Variants in FGFR2 observed in about 807,000 individuals in gnomAD.
FGFR2 encodes fibroblast growth factor receptor 2.
In FGFR2, 19 loss-of-function variants were observed where a neutral mutation model predicts 95.9. That is an observed-to-expected ratio of 0.20 (90% confidence interval 0.14 to 0.29). The LOEUF (loss-of-function observed/expected upper bound fraction) is 0.29, where lower values mean the gene tolerates loss of function less well. Among genes scored for constraint, FGFR2 ranks in the 10% least tolerant of loss-of-function variants. FGFR2 has a pLI of 1.00. For synonymous variants in FGFR2, 392 were observed against 393.3 expected (o/e 1.00, Z 0.04); for missense variants, 707 against 1,056.9 (o/e 0.67, Z 4.59).
chr10:121,500,151 A>C (rs1378649629), intron 11 of FGFR2, among the ~76,000 whole-genome samples: 1 of 152,210 alleles, frequency 6.6e-6, no homozygotes, highest in Non-Finnish European at 1.5e-5. Flanking sequence ...CAGGACGAAT[A>C]AGTTAATGGT....
At chr10:121,536,628 AG>A (rs747859233) in intron 6 of FGFR2, among the ~76,000 whole-genome samples, 11 of 152,230 alleles carry the variant, frequency 7.2e-5, no homozygotes, top group African/African-American at 2.7e-4. Flanking sequence ...GAGAGATTTC[AG>A]GGCTTCACAG....
rs558181710 is a variant in FGFR2, at chr10:121,514,972, A to G, written c.1287+145T>C. On this transcript the variant is annotated intron_variant, in intron 9 of 17. Coordinates refer to ENST00000358487, the MANE Select transcript of FGFR2 (RefSeq NM_000141.5). ...TAGACTCTCCAAGCTCCAAACACTA[A>G]CTGGGTGACCGCCAAGCATCACACC... is the stretch of plus-strand genomic sequence containing the variant. The G allele has an allele frequency of 1.0e-4, 80 of 770,246 alleles. No individual in the cohort carries two copies. The South Asian group carries it at 1.3e-3, about 12-fold the overall frequency. 47.7% of individuals were successfully genotyped at this position (770,246 alleles called of 1,614,324 possible).
intron 6 of FGFR2, among the ~76,000 whole-genome samples, chr10:121,536,440 C>A (rs1852829087): frequency 6.6e-6 from 1 of 152,116 alleles, no homozygotes; most frequent in Admixed American, 6.6e-5. Flanking sequence ...GGCGATCTCC[C>A]AAATTTGTGA....
intron 5 of FGFR2, among the ~76,000 whole-genome samples, chr10:121,545,991 T>A (rs1158885436): frequency 6.6e-6 from 1 of 152,106 alleles, no homozygotes; most frequent in Non-Finnish European, 1.5e-5. Flanking sequence ...TCTCTCTTGG[T>A]CTATGCAGGC....
Position 121,479,813 on chromosome 10 carries a change from G to C in FGFR2, c.*44C>G. On this transcript the variant is annotated 3_prime_UTR_variant, in exon 18 of 18. Transcript: ENST00000358487. ...ATGGTCTCCCTGCTCAGTGTAGCTA[G>C]GTTCCCAGTGCTGTCCTGTTTGGGG... 6.2e-7 allele frequency: 1 copy of C among 1,613,962 alleles called. No individual in the cohort carries two copies. Among genetic ancestry groups the C allele is most frequent in the Non-Finnish European group, 8.5e-7 (1 of 1,179,904 alleles).
At chr10:121,483,128 T>G (rs1844976990) in intron 17 of FGFR2, among the ~76,000 whole-genome samples, 1 of 152,182 alleles carries the variant, frequency 6.6e-6, no homozygotes, top group African/African-American at 2.4e-5. Flanking sequence ...AGGTACATGT[T>G]TTTATGTAAA....
intron 4 of FGFR2, among the ~76,000 whole-genome samples, chr10:121,559,351 T>C (rs377673754): frequency 1.3e-5 from 2 of 152,198 alleles, no homozygotes; most frequent in Non-Finnish European, 1.5e-5. Flanking sequence ...GGGTCAGGCA[T>C]TTGACACTTG....
intron 5 of FGFR2, among the ~76,000 whole-genome samples, chr10:121,550,759 C>A (rs936917765): frequency 7.9e-5 from 12 of 152,276 alleles, no homozygotes; most frequent in Admixed American, 4.6e-4. Context: ...AAACTCTCCT[C>A]ATATGAAGAA....
At chr10:121,497,387 T>C (rs1171150652) in intron 12 of FGFR2, among the ~76,000 whole-genome samples, 1 of 152,210 alleles carries the variant, frequency 6.6e-6, no homozygotes, top group African/African-American at 2.4e-5. Flanking sequence ...TAATATATTA[T>C]TTTTAATCAC....
rs1023873105 is a variant in FGFR2, at chr10:121,517,282, A to G, written c.1084+37T>C. Reference sequence around the variant, plus strand: ...TAATTTTATAGCAGTCAACCAAGAAAAGGGAAAAAAACCCAGAGAGAAAGA... The same window carrying G: ...TAATTTTATAGCAGTCAACCAAGAAGAGGGAAAAAAACCCAGAGAGAAAGA... On this transcript the variant is annotated intron_variant, in intron 8 of 17. Transcript: ENST00000358487. This position sits in a 1 kb window ranked among gnomAD's most constrained non-coding sequence, Gnocchi z 4.7. 6 of 1,612,592 alleles carry G rather than the reference A, an allele frequency of 3.7e-6. No homozygotes were observed. In the Admixed American group the frequency reaches 5.0e-5, roughly 13 times the overall value.
At position 121,496,643 on chromosome 10, in the gene FGFR2, C is replaced by T. The variant is rs2133940038; in HGVS notation, c.1752G>A (p.Met584Ile). The T allele has an allele frequency of 6.2e-7, 1 of 1,612,838 alleles. No homozygotes were observed. Among genetic ancestry groups the T allele is most frequent in the African/African-American group, 1.3e-5 (1 of 74,830 alleles). The stretch of plus-strand genomic sequence containing the variant: ...CACGGTTAATGTCATAGGAGTACTC[C>T]ATCCCGGGTGGCCTCCGGGCTCGGA... ...EYLRARRPPG[M>I]EYSYDINRVP... Residue 584 changes from methionine (M) to isoleucine (I), a missense_variant, in exon 13 of 18, where the codon ATG (methionine) becomes ATA (isoleucine). Coordinates refer to ENST00000358487, the MANE Select transcript of FGFR2 (RefSeq NM_000141.5).
At chr10:121,498,345 T>G in intron 12 of FGFR2, 150 bp downstream of exon 12, 1 of 692,694 alleles carries the variant, frequency 1.4e-6, no homozygotes, top group Non-Finnish European at 2.6e-6. Context: ...TGTTCATGGC[T>G]AGGAACATCT....
intron 5 of FGFR2, among the ~76,000 whole-genome samples, chr10:121,550,822 T>G (rs964015999): frequency 6.6e-6 from 1 of 151,902 alleles, no homozygotes; most frequent in African/African-American, 2.4e-5. Context: ...GGGGTAATAT[T>G]TTTTTTTAAT....
chr10:121,525,448 G>C (rs546270222), intron 6 of FGFR2, among the ~76,000 whole-genome samples: 1 of 152,014 alleles, frequency 6.6e-6, no homozygotes, highest in African/African-American at 2.4e-5. Context: ...TCTCACTCTC[G>C]GTCTCGCCCC....
At chr10:121,550,882 T>A (rs1589953657) in intron 5 of FGFR2, among the ~76,000 whole-genome samples, 1 of 152,154 alleles carries the variant, frequency 6.6e-6, no homozygotes, top group Non-Finnish European at 1.5e-5. Context: ...CTTGTTAAAG[T>A]ATTCCTTCTA....
In FGFR2 at chr10:121,479,776, G is replaced by C. The variant is rs2133674999; in HGVS notation, c.*81C>G. On this transcript the variant is annotated 3_prime_UTR_variant, in exon 18 of 18. Transcript: ENST00000358487. ...CCATATATACAAGTGGAGACAACAA[G>C]CTCTGGGAGGCATGGTCTCCCTGCT... 1 of 1,613,282 alleles carries C rather than the reference G, an allele frequency of 6.2e-7. No homozygotes were observed. Among genetic ancestry groups the C allele is most frequent in the Non-Finnish European group, 8.5e-7 (1 of 1,179,326 alleles).
chr10:121,480,940 A>G (rs866571511), intron 17 of FGFR2, among the ~76,000 whole-genome samples: 6 of 152,158 alleles, frequency 3.9e-5, no homozygotes, highest in Admixed American at 1.3e-4. Context: ...AAGAAGAAGA[A>G]TATCTTATAG....
chr10:121,505,585 C>T (rs369262524), intron 9 of FGFR2, among the ~76,000 whole-genome samples: 8 of 152,162 alleles, frequency 5.3e-5, no homozygotes, highest in African/African-American at 1.7e-4. Flanking sequence ...CGGGAAAAGA[C>T]GAGAAGGTAA....
At chr10:121,508,916 C>T (rs940075455) in intron 9 of FGFR2, among the ~76,000 whole-genome samples, 3 of 152,190 alleles carry the variant, frequency 2.0e-5, no homozygotes, top group South Asian at 2.1e-4. Flanking sequence ...TCTCTTCATT[C>T]CCTTCCACTC....
Sources: allele counts gnomAD v4.1 joint callset (sites outside exome capture counted in the v4.1 genomes callset), GRCh38; gene constraint gnomAD v4.1.1; non-coding constraint Gnocchi (gnomAD v3.1); transcripts MANE v1.5; gene names NCBI Gene and HGNC (gene_info 2026-07-23, HGNC 2026-07-21).